The following CYP3A7 variants were observed in gnomAD, a reference collection of about 807,000 sequenced individuals.
The protein encoded by CYP3A7 is cytochrome P450 3A7.
CYP3A7 carries 45 observed loss-of-function variants against 55.2 expected under a neutral mutation model. That is an observed-to-expected ratio of 0.82 (90% CI 0.64 to 1.05). The LOEUF (loss-of-function observed/expected upper bound fraction) is 1.05. Among genes scored for constraint, CYP3A7 ranks in the 50% least tolerant of loss-of-function variants. The probability of loss-of-function intolerance (pLI) is 0.00; values close to 1 mark genes in which losing one functional copy is unlikely to be tolerated. For missense variants in CYP3A7, 548 were observed against 605.3 expected (o/e 0.91, Z 0.99); for synonymous variants, 180 against 207.4 (o/e 0.87, Z 1.13).
At chr7:99,714,045 A>G (rs45544835) in intron 8 of CYP3A7, among the ~76,000 whole-genome samples, 2,671 of 152,264 alleles carry the variant, frequency 0.018, 70 homozygotes, top group African/African-American at 0.059. Flanking sequence ...TGCAGCCTCA[A>G]TTCCCAGAGA....
chr7:99,707,725 AAGTG>A lies in CYP3A7; in HGVS notation c.1416+83_1416+86del, dbSNP rs555728381. On this transcript the variant is annotated intron_variant, in intron 12 of 12. Transcript: ENST00000336374. ...CCATAGAACAAATTATTAAAAGATTAAGTGAGTGTATTCTTTTTTAAATATATAG... is the reference window on the plus strand; with the variant it reads ...CCATAGAACAAATTATTAAAAGATTAAGTGTATTCTTTTTTAAATATATAG... The A allele has an allele frequency of 2.1e-5, 33 of 1,572,242 alleles. No homozygotes were observed. In the African/African-American group the frequency reaches 4.4e-4, roughly 21 times the overall value.
At chr7:99,713,047 A>C (rs192974684) in intron 9 of CYP3A7, among the ~76,000 whole-genome samples, 2 of 152,326 alleles carry the variant, frequency 1.3e-5, no homozygotes, top group African/African-American at 4.8e-5. Flanking sequence ...ATGGCTCCTG[A>C]TTAGGTGTTA....
At chr7:99,722,251 A>T (rs1432498913) in intron 3 of CYP3A7, 45 bp downstream of exon 3, 1 of 1,611,192 alleles carries the variant, frequency 6.2e-7, no homozygotes, top group Non-Finnish European at 8.5e-7. Flanking sequence ...GGGTAAACTC[A>T]TCATAGAAAC....
chr7:99,732,647 A>C (rs1814672046), intron 1 of CYP3A7, among the ~76,000 whole-genome samples: 1 of 152,164 alleles, frequency 6.6e-6, no homozygotes, highest in African/African-American at 2.4e-5. Flanking sequence ...GGGGTGGAAG[A>C]CTGGATGAAG....
At chr7:99,708,584 T>C (rs749281200) in intron 11 of CYP3A7, among the ~76,000 whole-genome samples, 3 of 152,136 alleles carry the variant, frequency 2.0e-5, no homozygotes, top group South Asian at 2.1e-4. Flanking sequence ...TGCTACTGTA[T>C]TGATGGAAAG....
rs1563018641 is a variant in CYP3A7, at chr7:99,709,070, C to T, written c.1218G>A (p.Lys406=). The T allele has an allele frequency of 1.2e-6, 2 of 1,613,860 alleles. No homozygotes were observed. The highest frequency in any genetic ancestry group is 8.5e-7 in the Non-Finnish European group (1 of 1,179,940). The change falls in exon 11 of 13, where the codon AAG becomes AAA. Residue 406 remains lysine (K), a synonymous_variant. Transcript: ENST00000336374. ...GGAACTTCTCAGGCTCTGTCCAGTACTTTGGGTCATGATGAAGAACATAGC... is the reference window on the plus strand; with the variant it reads ...GGAACTTCTCAGGCTCTGTCCAGTATTTTGGGTCATGATGAAGAACATAGC... ...IPSYVLHHDP[K]YWTEPEKFLP...
Position 99,720,384 on chromosome 7 carries a change from C to A in CYP3A7, c.247G>T (p.Ala83Ser). The A allele has an allele frequency of 6.2e-7, 1 of 1,613,700 alleles. No individual in the cohort carries two copies. Among genetic ancestry groups the A allele is most frequent in the Non-Finnish European group, 8.5e-7 (1 of 1,179,712 alleles). ...TTGATCATGTCGGGATCTGTGATAG[C>A]CAGCATAGGCTGTTGACAGTCATAA... is the stretch of plus-strand genomic sequence containing the variant. ...GIYDCQQPMLAITDPDMIKTV... is the reference protein window; with the variant it reads ...GIYDCQQPMLSITDPDMIKTV... Residue 83 changes from alanine to serine, a missense_variant, in exon 4 of 13, where the codon GCT (alanine) becomes TCT (serine). Transcript: ENST00000336374.
intron 2 of CYP3A7, among the ~76,000 whole-genome samples, chr7:99,723,379 C>T (rs1017395260): frequency 5.9e-5 from 9 of 152,154 alleles, no homozygotes; most frequent in African/African-American, 1.9e-4. Flanking sequence ...CTTGTGACCC[C>T]CTCCTCTGCT....
At position 99,717,522 on chromosome 7, in the gene CYP3A7, A is replaced by T; in HGVS notation, c.432+4T>A. 1 of 1,613,572 alleles carries T rather than the reference A, an allele frequency of 6.2e-7. No individual in the cohort carries two copies. The highest frequency in any genetic ancestry group is 1.1e-5 in the South Asian group (1 of 91,082). On this transcript the variant is annotated splice_donor_region_variant and intron_variant, in intron 5 of 12. Coordinates refer to ENST00000336374, the MANE Select transcript of CYP3A7 (RefSeq NM_000765.5). The stretch of plus-strand genomic sequence containing the variant: ...TCTAATTAAAACCCAAGTTATTTTC[A>T]TACCTCCTTGAGTTTTCCGCTGGTG...
In CYP3A7 at chr7:99,714,546, A is replaced by G. The variant is rs1434494585; in HGVS notation, c.798+9T>C. 1.2e-6 allele frequency: 2 copies of G among 1,612,182 alleles called. No homozygotes were observed. Among genetic ancestry groups the G allele is most frequent in the Admixed American group, 3.3e-5 (2 of 59,924 alleles). ...TAAACATCCTCCTATAACTACCACC[A>G]CGTTTTACCTTTTGTGTCTCTTTGA... On this transcript the variant is annotated intron_variant, in intron 8 of 12. Coordinates refer to ENST00000336374, the MANE Select transcript of CYP3A7 (RefSeq NM_000765.5).
chr7:99,717,507 A>C lies in CYP3A7; in HGVS notation c.432+19T>G. 1 of 1,613,274 alleles carries C rather than the reference A, an allele frequency of 6.2e-7. No individual in the cohort carries two copies. Among genetic ancestry groups the C allele is most frequent in the East Asian group, 2.2e-5 (1 of 44,714 alleles). The stretch of plus-strand genomic sequence containing the variant: ...TTCATTCTTTAAGTTTCTAATTAAA[A>C]CCCAAGTTATTTTCATACCTCCTTG... On this transcript the variant is annotated intron_variant, in intron 5 of 12. Coordinates refer to ENST00000336374, the MANE Select transcript of CYP3A7 (RefSeq NM_000765.5).
At chr7:99,722,829 C>A (rs1224732522) in intron 2 of CYP3A7, among the ~76,000 whole-genome samples, 1 of 152,090 alleles carries the variant, frequency 6.6e-6, no homozygotes, top group Non-Finnish European at 1.5e-5. Flanking sequence ...GTTACAGACA[C>A]CAGGGACCTC....
intron 8 of CYP3A7, among the ~76,000 whole-genome samples, 195 bp from the exon 9 acceptor site, chr7:99,713,730 A>C (rs1813838568): frequency 6.6e-6 from 1 of 152,168 alleles, no homozygotes; most frequent in South Asian, 2.1e-4. Flanking sequence ...TTCCTGAAAC[A>C]AATCTGGCTA....
chr7:99,717,432 T>C lies in CYP3A7; in HGVS notation c.432+94A>G. 3.2e-6 allele frequency: 5 copies of C among 1,585,176 alleles called. No homozygotes were observed. In the South Asian group the frequency reaches 5.6e-5, roughly 18 times the overall value. ...TTTAGGAAGCTCAAATTCAGCAGAC[T>C]ACTCCTCGGAAAGGAACTCTGATCT... On this transcript the variant is annotated intron_variant, in intron 5 of 12. Transcript: ENST00000336374.
At position 99,709,090 on chromosome 7, in the gene CYP3A7, C is replaced by T. The variant is rs747665140; in HGVS notation, c.1198G>A (p.Val400Ile). The part of the protein sequence containing the change: ...KGVVVMIPSY[V>I]LHHDPKYWTE... ...CAGTACTTTGGGTCATGATGAAGAA[C>T]ATAGCTTGGAATCATCACCACCACC... Residue 400 changes from valine (V) to isoleucine (I), a missense_variant, in exon 11 of 13, where the codon GTT (valine) becomes ATT (isoleucine). Coordinates refer to ENST00000336374, the MANE Select transcript of CYP3A7 (RefSeq NM_000765.5). The T allele has an allele frequency of 1.5e-5, 24 of 1,613,824 alleles. No individual in the cohort carries two copies. The highest frequency in any genetic ancestry group is 2.7e-5 in the African/African-American group (2 of 74,884).
At chr7:99,719,371 A>C (rs1367260885) in intron 4 of CYP3A7, among the ~76,000 whole-genome samples, 1 of 152,230 alleles carries the variant, frequency 6.6e-6, no homozygotes, top group Non-Finnish European at 1.5e-5. Context: ...AATTTTTAAC[A>C]ATATGCCCAC....
Position 99,722,352 on chromosome 7 carries a change from G to A in CYP3A7, c.166-4C>T, listed in dbSNP as rs1234654948. The A allele has an allele frequency of 6.2e-7, 1 of 1,613,196 alleles. No homozygotes were observed. The highest frequency in any genetic ancestry group is 1.3e-5 in the African/African-American group (1 of 74,804). On this transcript the variant is annotated splice_polypyrimidine_tract_variant and splice_region_variant and intron_variant, in intron 2 of 12. Transcript: ENST00000336374. ...CCATGTCAAACGTCCAATAGCCCTG[G>A]GAGGAGAAACAAAATAATATTTCAT...
At chr7:99,714,150 G>T (rs1256454176) in intron 8 of CYP3A7, among the ~76,000 whole-genome samples, 1 of 152,294 alleles carries the variant, frequency 6.6e-6, no homozygotes, top group African/African-American at 2.4e-5. Flanking sequence ...TGGAGAATGT[G>T]TAAAATAATA....
At chr7:99,732,788 A>G (rs150033032) in intron 1 of CYP3A7, among the ~76,000 whole-genome samples, 71 of 152,304 alleles carry the variant, frequency 4.7e-4, no homozygotes, top group African/African-American at 1.5e-3. Flanking sequence ...ATGGATCCAT[A>G]TGCCTCATAT....
Sources: gnomAD v4.1 joint callset for allele counts (sites outside exome capture counted in the v4.1 genomes callset) on GRCh38, gnomAD v4.1.1 for gene constraint, MANE v1.5 for transcripts, NCBI Gene and HGNC (gene_info 2026-07-23, HGNC 2026-07-21) for gene names.